LRCH1: variants seen among roughly 807,000 people sequenced by gnomAD.
LRCH1 encodes the protein leucine rich repeats and calponin homology domain containing 1.
In LRCH1, 23 loss-of-function variants were observed where a neutral mutation model predicts 94.9. That is an observed-to-expected ratio of 0.24 (90% CI 0.17 to 0.34). The LOEUF is 0.34. Among genes scored for constraint, LRCH1 ranks in the 10% least tolerant of loss-of-function variants. The probability of loss-of-function intolerance (pLI) is 1.00; values close to 1 mark genes in which losing one functional copy is unlikely to be tolerated. For missense variants in LRCH1, 790 were observed against 945.9 expected (o/e 0.84, Z 2.16); for synonymous variants, 364 against 354.9 (o/e 1.03, Z -0.29).
chr13:46,736,154 G>GTGTGTGTGTA (rs1427759338), intron 19 of LRCH1, among the ~76,000 whole-genome samples: 1 of 151,244 alleles, frequency 6.6e-6, no homozygotes, highest in Non-Finnish European at 1.5e-5. Context: ...GTGTGTGTGT[G>GTGTGTGTGTA]TACACATATA....
chr13:46,574,565 CT>C (rs1051397022), intron 1 of LRCH1, among the ~76,000 whole-genome samples: 5 of 152,138 alleles, frequency 3.3e-5, no homozygotes, highest in Non-Finnish European at 5.9e-5. Flanking sequence ...AACAAGAGCA[CT>C]TTTTTTCTTT....
At chr13:46,674,701 G>A (rs1639009007) in intron 3 of LRCH1, among the ~76,000 whole-genome samples, 1 of 152,202 alleles carries the variant, frequency 6.6e-6, no homozygotes, top group Non-Finnish European at 1.5e-5. Flanking sequence ...ACTCTGCTAG[G>A]TATACATGTA....
intron 17 of LRCH1, among the ~76,000 whole-genome samples, 190 bp downstream of exon 17, chr13:46,723,520 G>C (rs1271790908): frequency 2.0e-5 from 3 of 152,148 alleles, no homozygotes; most frequent in Non-Finnish European, 4.4e-5. Context: ...AAATGTTTTG[G>C]CCAGGCATAG....
chr13:46,665,686 G>A (rs533401886), intron 2 of LRCH1, among the ~76,000 whole-genome samples: 1 of 152,172 alleles, frequency 6.6e-6, no homozygotes, highest in Non-Finnish European at 1.5e-5. Context: ...AGGGGTGGGG[G>A]TGTAGACTTG....
At chr13:46,698,598 C>T (rs1365127132) in intron 9 of LRCH1, among the ~76,000 whole-genome samples, 3 of 152,184 alleles carry the variant, frequency 2.0e-5, no homozygotes, top group Non-Finnish European at 4.4e-5. Context: ...CGTGCACACT[C>T]ACACTTAAAC....
rs1873793851 is a variant in LRCH1 at position 46,743,922 on chromosome 13, G to T, written c.*2074G>T. On this transcript the variant is annotated 3_prime_UTR_variant, in exon 20 of 20. Coordinates refer to ENST00000389797, the MANE Select transcript of LRCH1 (RefSeq NM_001164211.2). Reference sequence around the variant, plus strand: ...CCAAAGTATTCTTTGGACGCACTTTGATTTTTTTTGTGTCATTAATTTGTC... The same window carrying T: ...CCAAAGTATTCTTTGGACGCACTTTTATTTTTTTTGTGTCATTAATTTGTC... 2 of 985,336 alleles carry T rather than the reference G, an allele frequency of 2.0e-6. No homozygotes were observed. The highest frequency in any genetic ancestry group is 1.2e-6 in the Non-Finnish European group (1 of 829,890). The allele number at this position is 985,336 out of a possible 1,614,324, so 61.0% of individuals were successfully genotyped here. A position where few individuals can be genotyped will look rare whatever the true frequency, so the allele number is the denominator to read the frequency against.
At chr13:46,573,994 C>T (rs1370721120) in intron 1 of LRCH1, among the ~76,000 whole-genome samples, 4 of 150,378 alleles carry the variant, frequency 2.7e-5, no homozygotes, top group Non-Finnish European at 4.4e-5. Context: ...TACAGGCACA[C>T]ACCACCATGC....
intron 2 of LRCH1, among the ~76,000 whole-genome samples, chr13:46,663,732 T>C (rs2051478760): frequency 6.6e-6 from 1 of 152,208 alleles, no homozygotes; most frequent in Non-Finnish European, 1.5e-5. Flanking sequence ...GACAGTAATA[T>C]TCAAATCAAC....
rs1322312792 is a variant in LRCH1, at chr13:46,743,689, G to C, written c.*1841G>C. 2 of 984,972 alleles carry C rather than the reference G, an allele frequency of 2.0e-6. No homozygotes were observed. The highest frequency in any genetic ancestry group is 2.4e-6 in the Non-Finnish European group (2 of 829,892). The allele number at this position is 984,972 out of a possible 1,614,324, so 61.0% of individuals were successfully genotyped here. On this transcript the variant is annotated 3_prime_UTR_variant, in exon 20 of 20. Coordinates refer to ENST00000389797, the MANE Select transcript of LRCH1 (RefSeq NM_001164211.2). ...AGTGCATTGAGGCTTCTCTTTAATGGTCACCACTGTGGTGGTTTTTCCCTT... is the reference window on the plus strand; with the variant it reads ...AGTGCATTGAGGCTTCTCTTTAATGCTCACCACTGTGGTGGTTTTTCCCTT...
intron 17 of LRCH1, 116 bp from the exon 18 acceptor site, chr13:46,728,731 A>G (rs965096094): frequency 1.0e-6 from 1 of 969,752 alleles, no homozygotes; most frequent in African/African-American, 1.7e-5. Context: ...AGGCATTGTT[A>G]TCCTTATTTC....
chr13:46,559,215 C>T (rs768411660), intron 1 of LRCH1, among the ~76,000 whole-genome samples: 2 of 152,188 alleles, frequency 1.3e-5, no homozygotes, highest in Non-Finnish European at 2.9e-5. Context: ...TTTTTGAAAT[C>T]ACATGTGTTT....
At chr13:46,693,440 T>C (rs1178099120) in intron 8 of LRCH1, among the ~76,000 whole-genome samples, 1 of 152,086 alleles carries the variant, frequency 6.6e-6, no homozygotes, top group Non-Finnish European at 1.5e-5. Flanking sequence ...ATGGACTGGG[T>C]CTGGAAGGAG....
At position 46,741,722 on chromosome 13, in the gene LRCH1, C is replaced by T. The variant is rs750942808; in HGVS notation, c.2166C>T (p.Leu722=). Residue 722 remains leucine (L), a synonymous_variant, in exon 20 of 20, where the codon CTC becomes CTT. Coordinates refer to ENST00000389797, the MANE Select transcript of LRCH1 (RefSeq NM_001164211.2). ...IRKTVDTLLA[L]GEKAPPPTSA... is the part of the protein sequence containing the mutation. ...AGACTGTTGACACTCTGCTGGCACT[C>T]GGGGAGAAAGCCCCACCACCAACTT... 49 of 1,614,114 alleles carry T rather than the reference C, an allele frequency of 3.0e-5. No individual in the cohort carries two copies. Among genetic ancestry groups the T allele is most frequent in the African/African-American group, 5.3e-5 (4 of 74,942 alleles).
Position 46,701,203 on chromosome 13 carries a change from A to T in LRCH1, c.1396A>T (p.Asn466Tyr). ...AGCAGTAGATTTGCTGCAAGATCCC[A>T]ATGGGTGTGTATGTCTCCTTGGTCC... The part of the protein sequence containing the change: ...REAVDLLQDP[N>Y]GLSTDITERS... Residue 466 changes from asparagine to tyrosine, a missense_variant, in exon 11 of 20, where the codon AAT becomes TAT. Coordinates refer to ENST00000389797, the MANE Select transcript of LRCH1 (RefSeq NM_001164211.2). The T allele has an allele frequency of 6.2e-7, 1 of 1,609,368 alleles. No individual in the cohort carries two copies.
chr13:46,599,102 G>T (rs2050598656), intron 1 of LRCH1, among the ~76,000 whole-genome samples: 1 of 152,074 alleles, frequency 6.6e-6, no homozygotes, highest in Non-Finnish European at 1.5e-5. Flanking sequence ...TGTCTTTTTA[G>T]TATTGGCTGA....
At chr13:46,690,987 A>G (rs1037644591) in intron 7 of LRCH1, among the ~76,000 whole-genome samples, 1 of 152,234 alleles carries the variant, frequency 6.6e-6, no homozygotes, top group African/African-American at 2.4e-5. Context: ...TTTTATCAAG[A>G]TAAACAGGAA....
intron 11 of LRCH1, among the ~76,000 whole-genome samples, chr13:46,701,947 C>T (rs964227897): frequency 2.6e-5 from 4 of 152,142 alleles, no homozygotes; most frequent in Admixed American, 2.0e-4. Context: ...TTATGAAAAG[C>T]GTAGTTAGTG....
rs77634840 is a variant in LRCH1, at chr13:46,675,164, C to A, written c.579+6008C>A. ...ATGGTTCTTTTACTGCTAAACCATG[C>A]CTGATGGATGAGGTATATTTGTTAA... On this transcript the variant is annotated intron_variant, in intron 3 of 19. Transcript: ENST00000389797. Among the ~76,000 whole-genome samples, 434 of 152,268 alleles carry A rather than the reference C, an allele frequency of 2.9e-3. 3 individuals are homozygous for A. Among genetic ancestry groups the A allele is most frequent in the Non-Finnish European group, 4.4e-3 (300 of 68,014 alleles).
exon 19 of LRCH1, chr13:46,753,018 A>T (rs983845000): frequency 6.6e-6 from 1 of 151,750 alleles, no homozygotes; most frequent in African/African-American, 2.4e-5. Context: ...TTTAACAGCC[A>T]TTAAAATCTT....
Sources: gnomAD v4.1 joint callset for allele counts (sites outside exome capture counted in the v4.1 genomes callset) on GRCh38, gnomAD v4.1.1 for gene constraint, MANE v1.5 for transcripts, NCBI Gene and HGNC (gene_info 2026-07-23, HGNC 2026-07-21) for gene names.